The following NACA variants were observed in gnomAD, a reference collection of about 807,000 sequenced individuals.
NACA encodes the protein nascent polypeptide-associated complex subunit alpha.
A neutral mutation model predicts 86.4 loss-of-function variants in NACA; 42 were observed. The observed-to-expected ratio is 0.49, with a 90% CI of 0.38 to 0.63. NACA has a LOEUF of 0.63. Ranked by LOEUF, NACA falls within the 20% of genes least tolerant of loss-of-function variation. The pLI is 0.00. For synonymous variants in NACA, 898 were observed against 973.7 expected, an observed-to-expected ratio of 0.92 and a Z score of 1.45; for missense variants, 2,157 against 2,483.6, an observed-to-expected ratio of 0.87 and a Z score of 2.80.
At chr12:56,722,557 G>C (rs1953601664) in intron 2 of NACA, among the ~76,000 whole-genome samples, 1 of 152,128 alleles carries the variant, frequency 6.6e-6, no homozygotes, top group African/African-American at 2.4e-5. Flanking sequence ...GCGTGGTGGT[G>C]TACACCTGTA....
At chr12:56,722,491 C>T (rs1430334175) in intron 2 of NACA, among the ~76,000 whole-genome samples, 2 of 152,112 alleles carry the variant, frequency 1.3e-5, no homozygotes, top group Admixed American at 1.3e-4. Context: ...AGTTCCAGAC[C>T]GACCTGACCA....
At position 56,720,119 on chromosome 12, in the gene NACA, G is replaced by A. The variant is rs745368102; in HGVS notation, c.1411C>T (p.Pro471Ser). ...GAAGTTGGTTCTATGTTACTTATGG[G>A]ACCTGATGACATTGGAGGAGAAACA... Reference protein sequence around the residue: ...TCVSPPMSSGPISNIEPTSPA... With the variant: ...TCVSPPMSSGSISNIEPTSPA... The change falls in exon 3 of 9, where the codon CCC becomes TCC. Residue 471 changes from proline to serine, a missense_variant. Pro to Ser is a moderately conservative substitution (Grantham distance 74). Around this residue, in one of 8 missense-constraint regions of NACA, gnomAD observed 947 missense variants for 917.9 expected, o/e 1.03. Transcript: ENST00000454682. 1.2e-6 allele frequency: 2 copies of A among 1,613,912 alleles called. No individual in the cohort carries two copies. The highest frequency in any genetic ancestry group is 8.5e-7 in the Non-Finnish European group (1 of 1,179,876).
Position 56,724,634 on chromosome 12 carries a change from G to C in NACA, c.-2-111C>G, listed in dbSNP as rs562232817. 40 of 1,204,628 alleles carry C rather than the reference G, an allele frequency of 3.3e-5. No homozygotes were observed. In the African/African-American group the frequency reaches 5.4e-4, roughly 16 times the overall value. 74.6% of individuals were successfully genotyped at this position (1,204,628 alleles called of 1,614,324 possible). ...CGAGGAGGGCTGTTAGAAAAAAATC[G>C]TGAGGGTGTTTGGTGACAACCTTCC... On this transcript the variant is annotated intron_variant, in intron 1 of 8. Transcript: ENST00000454682.
At chr12:56,714,776 G>A in intron 3 of NACA, 89 bp from the exon 4 acceptor site, 1 of 1,176,994 alleles carries the variant, frequency 8.5e-7, no homozygotes, top group Non-Finnish European at 1.3e-6. Flanking sequence ...AGAGGTGAAT[G>A]CCTCATGCTA....
rs761913330 is a variant in NACA, at chr12:56,721,172, A to T, written c.358T>A (p.Ser120Thr). ...TTCAGAGTTGGAGCTATCATGGGAG[A>T]GGCTAGAGCTAAGGCAGCTGGGGAG... is the stretch of plus-strand genomic sequence containing the variant. ...PISPAALALA[S>T]PMIAPTLKGT... is the part of the protein sequence containing the mutation. The change falls in exon 3 of 9, where the codon TCT (serine) becomes ACT (threonine). Residue 120 changes from serine to threonine, a missense_variant. By Grantham distance (58) the Ser-to-Thr change is moderately conservative. Transcript: ENST00000454682. 3 of 1,613,714 alleles carry T rather than the reference A, an allele frequency of 1.9e-6. No homozygotes were observed. Among genetic ancestry groups the T allele is most frequent in the African/African-American group, 2.7e-5 (2 of 74,870 alleles).
rs767959176 is a variant in NACA at position 56,717,104 on chromosome 12, T to G, written c.4426A>C (p.Lys1476Gln). The change falls in exon 3 of 9, where the codon AAG becomes CAG. Residue 1476 changes from lysine to glutamine, a missense_variant. Around this residue, in one of 8 missense-constraint regions of NACA, gnomAD observed 797 missense variants for 777.6 expected, o/e 1.02. Transcript: ENST00000454682. ...ACTTGTTTGGGGGCTGGGGGCTCCT[T>G]GGGGGAAGGAGGAGTCACTGCTGGG... is the stretch of plus-strand genomic sequence containing the variant. Reference protein sequence around the residue: ...TLPAVTPPSPKEPPAPKQVAT... With the variant: ...TLPAVTPPSPQEPPAPKQVAT... The G allele has an allele frequency of 8.3e-6, 10 of 1,205,116 alleles. No homozygotes were observed. Among genetic ancestry groups the G allele is most frequent in the East Asian group, 4.7e-5 (1 of 21,138 alleles). The allele number at this position is 1,205,116 out of a possible 1,614,324, so 74.7% of individuals were successfully genotyped here. A position where few individuals can be genotyped will look rare whatever the true frequency, so the allele number is the denominator to read the frequency against.
At chr12:56,715,639 C>T (rs2137804436) in intron 3 of NACA, among the ~76,000 whole-genome samples, 1 of 152,156 alleles carries the variant, frequency 6.6e-6, no homozygotes, top group East Asian at 1.9e-4. Context: ...GGCCACATTA[C>T]ACAAAAATGA....
Position 56,716,155 on chromosome 12 carries a change from G to A in NACA, c.5375C>T (p.Ala1792Val). Residue 1792 changes from alanine to valine, a missense_variant, in exon 3 of 9, where the codon GCA becomes GTA. This residue lies in a region of NACA where 797 missense variants were observed against 777.6 expected (regional missense o/e 1.02). Coordinates refer to ENST00000454682, the MANE Select transcript of NACA (RefSeq NM_001365896.1). ...CAGAGAGACTGGTGGGGAGGGTGCTGCAGAGACAGATGCTGATTCAGGTTT... is the reference window on the plus strand; with the variant it reads ...CAGAGAGACTGGTGGGGAGGGTGCTACAGAGACAGATGCTGATTCAGGTTT... ...LPKPESASVS[A>V]APSPPVSLPL... 6.2e-7 allele frequency: 1 copy of A among 1,613,496 alleles called. No individual in the cohort carries two copies. Among genetic ancestry groups the A allele is most frequent in the Non-Finnish European group, 8.5e-7 (1 of 1,179,804 alleles).
Position 56,721,339 on chromosome 12 carries a change from G to T in NACA, c.191C>A (p.Ala64Asp). The T allele has an allele frequency of 1.9e-6, 3 of 1,609,480 alleles. No individual in the cohort carries two copies. The highest frequency in any genetic ancestry group is 2.5e-6 in the Non-Finnish European group (3 of 1,178,004). Residue 64 changes from alanine (A) to aspartate (D), a missense_variant, in exon 3 of 9, where the codon GCT (alanine) becomes GAT (aspartate). By Grantham distance (126) the Ala-to-Asp change is moderately radical. Transcript: ENST00000454682. Reference sequence around the variant, plus strand: ...AGTAGAGGGGGAAGGGAATGGGGAAGCCTGGTTAGCAGCTGAGAGAGGGCA... The same window carrying T: ...AGTAGAGGGGGAAGGGAATGGGGAATCCTGGTTAGCAGCTGAGAGAGGGCA... Reference protein sequence around the residue: ...QQCPLSAANQASPFPSPSTIA... With the variant: ...QQCPLSAANQDSPFPSPSTIA...
chr12:56,717,351 T>G lies in NACA; in HGVS notation c.4179A>C (p.Pro1393=), dbSNP rs564621032. ...GGTCCCCTTTGGGAGATGGGATAGC[T>G]GGTCCTCTTTTGGGGGAGGGAGGAG... The part of the protein sequence containing the change: ...AMTPPSPKRG[P]AIPSPKGDPT... Residue 1393 remains proline (P), a synonymous_variant, in exon 3 of 9, where the codon CCA becomes CCC. Coordinates refer to ENST00000454682, the MANE Select transcript of NACA (RefSeq NM_001365896.1). 1.5e-6 allele frequency: 2 copies of G among 1,332,074 alleles called. No individual in the cohort carries two copies. Among genetic ancestry groups the G allele is most frequent in the South Asian group, 2.6e-5 (2 of 76,008 alleles). 82.5% of individuals were successfully genotyped at this position (1,332,074 alleles called of 1,614,324 possible).
rs368947398 is a variant in NACA at position 56,716,224 on chromosome 12, G to A, written c.5306C>T (p.Ala1769Val). The change falls in exon 3 of 9, where the codon GCG becomes GTG. Residue 1769 changes from alanine to valine, a missense_variant. Physicochemically the swap from Ala to Val is moderately conservative, Grantham distance 64. Coordinates refer to ENST00000454682, the MANE Select transcript of NACA (RefSeq NM_001365896.1). ...GGCAGCTGCTGTTAGAGGGGTGGAC[G>A]CCTTAGACTCAGGAGGAGCCAAGGG... The part of the protein sequence containing the change: ...KGPLAPPESK[A>V]STPLTAAAFE... 6.9e-5 allele frequency: 112 copies of A among 1,613,676 alleles called. No homozygotes were observed. Among genetic ancestry groups the A allele is most frequent in the Non-Finnish European group, 8.9e-5 (105 of 1,179,900 alleles).
intron 3 of NACA, 46 bp downstream of exon 3, chr12:56,715,823 GGT>G (rs761416885): frequency 2.1e-6 from 3 of 1,458,474 alleles, no homozygotes; most frequent in Non-Finnish European, 2.7e-6. Flanking sequence ...GCCCAAGAGG[GGT>G]GTGGACGACA....
At chr12:56,713,370 G>A in intron 6 of NACA, 167 bp downstream of exon 6, 1 of 1,182,658 alleles carries the variant, frequency 8.5e-7, no homozygotes, top group South Asian at 1.5e-5. Context: ...TCAACTAGGG[G>A]GTAGTTAGGT....
intron 2 of NACA, 40 bp from the exon 3 acceptor site, chr12:56,721,499 G>A (rs1418515655): frequency 3.0e-6 from 4 of 1,326,852 alleles, no homozygotes; most frequent in African/African-American, 1.5e-5. Context: ...GGGGGAGGGG[G>A]AGGAGAAAAA....
At chr12:56,723,722 T>C (rs1202255711) in intron 2 of NACA, among the ~76,000 whole-genome samples, 1 of 152,158 alleles carries the variant, frequency 6.6e-6, no homozygotes, top group African/African-American at 2.4e-5. Flanking sequence ...ATTTCCTTCA[T>C]TTAACGCTGC....
At chr12:56,715,624 G>C (rs1190073799) in intron 3 of NACA, among the ~76,000 whole-genome samples, 1 of 152,134 alleles carries the variant, frequency 6.6e-6, no homozygotes, top group African/African-American at 2.4e-5. Context: ...GCTCAGGGTA[G>C]TCCGGGCCAC....
rs1325184778 is a variant in NACA at position 56,712,817 on chromosome 12, T to C, written c.6191A>G (p.Asn2064Ser). The change falls in exon 8 of 9, where the codon AAC (asparagine) becomes AGC (serine). Residue 2064 changes from asparagine to serine, a missense_variant. Around this residue, in one of 8 missense-constraint regions of NACA, gnomAD observed 81 missense variants for 200.6 expected, o/e 0.40. Transcript: ENST00000454682. ...CGCATTTACAATATCATTACTGTTG[T>C]TCTTCAGGGCTCGGACTGCCTTTGC... Reference protein sequence around the residue: ...SRAKAVRALKNNSNDIVNAIM... With the variant: ...SRAKAVRALKSNSNDIVNAIM... The C allele has an allele frequency of 6.2e-7, 1 of 1,614,232 alleles. No individual in the cohort carries two copies. Among genetic ancestry groups the C allele is most frequent in the East Asian group, 2.2e-5 (1 of 44,888 alleles).
intron 2 of NACA, among the ~76,000 whole-genome samples, chr12:56,723,278 A>G (rs1953621887): frequency 6.6e-6 from 1 of 152,226 alleles, no homozygotes. Context: ...GAATACGTTT[A>G]ATAGCATTAA....
Position 56,717,145 on chromosome 12 carries a change from T to C in NACA, c.4385A>G (p.Lys1462Arg), listed in dbSNP as rs777813289. 4 of 1,284,102 alleles carry C rather than the reference T, an allele frequency of 3.1e-6. No homozygotes were observed. The East Asian group carries it at 1.5e-4, about 49-fold the overall frequency. The allele number at this position is 1,284,102 out of a possible 1,614,324, so 79.5% of individuals were successfully genotyped here. A position where few individuals can be genotyped will look rare whatever the true frequency, so the allele number is the denominator to read the frequency against. The stretch of plus-strand genomic sequence containing the variant: ...CACTGCTGGGAGGGTGGGATCCCCT[T>C]TGGAGGATGGGGTAGCTGGGCCTCC... ...PKGGPATPSS[K>R]GDPTLPAVTP... The change falls in exon 3 of 9, where the codon AAA becomes AGA. Residue 1462 changes from lysine (K) to arginine (R), a missense_variant. By Grantham distance (26) the Lys-to-Arg change is conservative. This residue lies in a region of NACA where 797 missense variants were observed against 777.6 expected (regional missense o/e 1.02). Transcript: ENST00000454682.
Sources: gnomAD v4.1 joint callset for allele counts (sites outside exome capture counted in the v4.1 genomes callset) on GRCh38, gnomAD v4.1.1 for gene constraint, gnomAD v4.1.1 regional missense constraint, MANE v1.5 for transcripts, NCBI Gene and HGNC (gene_info 2026-07-23, HGNC 2026-07-21) for gene names.